Variants in ANTXR2 observed in about 807,000 individuals in gnomAD.
The protein encoded by ANTXR2 is ANTXR cell adhesion molecule 2, also known as anthrax toxin receptor 2.
A neutral mutation model predicts 73.7 loss-of-function variants in ANTXR2; 44 were observed. That is an observed-to-expected ratio of 0.60 (90% CI 0.47 to 0.77). The LOEUF is 0.77. Among genes scored for constraint, ANTXR2 ranks in the 30% least tolerant of loss-of-function variants. The pLI, the probability that ANTXR2 is intolerant of heterozygous loss-of-function variation, is 0.00. For missense variants in ANTXR2, 604 were observed against 592.5 expected (o/e 1.02, Z -0.20); for synonymous variants, 217 against 205.9 (o/e 1.05, Z -0.46).
intron 7 of ANTXR2, among the ~76,000 whole-genome samples, chr4:80,042,292 T>A (rs1408524786): frequency 6.6e-6 from 1 of 152,096 alleles, no homozygotes; most frequent in African/African-American, 2.4e-5. Context: ...AAATTTGTTA[T>A]ATGATCTTAG....
At position 79,932,184 on chromosome 4, in the gene ANTXR2, G is replaced by A. The variant is rs139065747; in HGVS notation, c.1429-24717C>T. ...TAAATGAATATTAAAGAAAATAAAC[G>A]GATGAATAAAGGCACTCATACATAA... On this transcript the variant is annotated intron_variant, in intron 16 of 16. Transcript: ENST00000403729. Among the ~76,000 whole-genome samples the A allele has an allele frequency of 2.3e-4, 35 of 152,040 alleles. 1 individual carries two copies. Among genetic ancestry groups the A allele is most frequent in the African/African-American group, 7.0e-4 (29 of 41,478 alleles).
intron 4 of ANTXR2, 111 bp from the exon 5 acceptor site, chr4:80,055,578 C>A: frequency 1.2e-6 from 1 of 863,702 alleles, no homozygotes; most frequent in South Asian, 1.6e-5. Context: ...TACTGGCTAG[C>A]TTTTAAAACA....
chr4:79,955,711 AC>A (rs1728862493), intron 16 of ANTXR2, among the ~76,000 whole-genome samples: 1 of 152,196 alleles, frequency 6.6e-6, no homozygotes, highest in Non-Finnish European at 1.5e-5. Context: ...ATTTTTCTAT[AC>A]ACAAATGAGA....
At position 80,072,599 on chromosome 4, in the gene ANTXR2, T is replaced by A. The variant is rs1280994242; in HGVS notation, c.-39A>T. The A allele has an allele frequency of 1.2e-5, 17 of 1,456,152 alleles. No individual in the cohort carries two copies. The East Asian group carries it at 4.6e-4, about 40-fold the overall frequency. 90.2% of individuals were successfully genotyped at this position (1,456,152 alleles called of 1,614,324 possible). ...GCCTGAGACTCCCTCCCGCTCGCAG[T>A]CCCCTAAGCTCAGGAGGGTCGCAAA... On this transcript the variant is annotated 5_prime_UTR_variant, in exon 1 of 17. Transcript: ENST00000403729.
Position 79,905,209 on chromosome 4 carries a change from G to C in ANTXR2, c.*2220C>G, listed in dbSNP as rs1726856923. 6.6e-6 allele frequency: 1 copy of C among 152,134 alleles called. No individual in the cohort carries two copies. Among genetic ancestry groups the C allele is most frequent in the Non-Finnish European group, 1.5e-5 (1 of 68,018 alleles). 9.4% of individuals were successfully genotyped at this position (152,134 alleles called of 1,614,324 possible). Reference sequence around the variant, plus strand: ...CTACATAATTCTAGAGAAATTTGAAGTAGTTACCAAAGAAACATAGCCTTA... The same window carrying C: ...CTACATAATTCTAGAGAAATTTGAACTAGTTACCAAAGAAACATAGCCTTA... On this transcript the variant is annotated 3_prime_UTR_variant, in exon 17 of 17. Coordinates refer to ENST00000403729, the MANE Select transcript of ANTXR2 (RefSeq NM_058172.6).
At chr4:79,933,702 T>A (rs975145109) in intron 16 of ANTXR2, among the ~76,000 whole-genome samples, 2 of 53,680 alleles carry the variant, frequency 3.7e-5, no homozygotes, top group African/African-American at 7.2e-5. Context: ...CCCTCCACCC[T>A]CCCCCCACCC....
chr4:80,056,953 A>C (rs1354302975), intron 3 of ANTXR2, among the ~76,000 whole-genome samples: 1 of 151,960 alleles, frequency 6.6e-6, no homozygotes, highest in Non-Finnish European at 1.5e-5. Flanking sequence ...ATCCAAATTA[A>C]ATTCAAAACT....
intron 16 of ANTXR2, among the ~76,000 whole-genome samples, chr4:79,930,177 T>C (rs2109959543): frequency 6.6e-6 from 1 of 152,182 alleles, no homozygotes; most frequent in Middle Eastern, 3.4e-3. Flanking sequence ...TAATAAAATA[T>C]TATCAAATGA....
At position 80,037,738 on chromosome 4, in the gene ANTXR2, T is replaced by C. The variant is rs967556535; in HGVS notation, c.637-1706A>G. Among the ~76,000 whole-genome samples, 29 of 152,114 alleles carry C rather than the reference T, an allele frequency of 1.9e-4. 1 individual carries two copies. Among genetic ancestry groups the C allele is most frequent in the Non-Finnish European group, 2.9e-5 (2 of 68,008 alleles). On this transcript the variant is annotated intron_variant, in intron 7 of 16. Coordinates refer to ENST00000403729, the MANE Select transcript of ANTXR2 (RefSeq NM_058172.6). ...AACATCTTTAAAAATTTGGACATAA[T>C]TCAGATAACAAGACTCTGAAGGAAA...
At chr4:79,917,455 A>G (rs1727399834) in intron 16 of ANTXR2, among the ~76,000 whole-genome samples, 4 of 152,166 alleles carry the variant, frequency 2.6e-5, no homozygotes, top group African/African-American at 9.7e-5. Flanking sequence ...TGGCCAGTCC[A>G]AGTCTGCAGG....
chr4:79,915,862 CTATATA>C (rs1553925226), intron 16 of ANTXR2, among the ~76,000 whole-genome samples: 2 of 123,878 alleles, frequency 1.6e-5, no homozygotes, highest in African/African-American at 6.1e-5. Context: ...CTCTCTCTCT[CTATATA>C]TATATATATA....
rs999690583 is a variant in ANTXR2, at chr4:79,905,836, T to C, written c.*1593A>G. The C allele has an allele frequency of 1.3e-5, 2 of 152,614 alleles. No homozygotes were observed. Among genetic ancestry groups the C allele is most frequent in the African/African-American group, 4.8e-5 (2 of 41,436 alleles). The allele number at this position is 152,614 out of a possible 1,614,324, so 9.5% of individuals were successfully genotyped here. On this transcript the variant is annotated 3_prime_UTR_variant, in exon 17 of 17. Coordinates refer to ENST00000403729, the MANE Select transcript of ANTXR2 (RefSeq NM_058172.6). ...GATGCTCCAATCGCTCTTTCCATCT[T>C]GTGCACTCACATGCCCGCCAAACAT...
intron 12 of ANTXR2, among the ~76,000 whole-genome samples, chr4:79,993,015 T>C (rs1191428176): frequency 1.3e-5 from 2 of 152,110 alleles, no homozygotes; most frequent in East Asian, 3.9e-4. Context: ...CACAGATGCA[T>C]TGTTCTCTCC....
intron 16 of ANTXR2, among the ~76,000 whole-genome samples, chr4:79,913,538 A>G (rs1410115712): frequency 6.6e-6 from 1 of 152,134 alleles, no homozygotes; most frequent in Non-Finnish European, 1.5e-5. Context: ...TTTTCATACC[A>G]CATCAAACTT....
At chr4:80,013,808 A>G (rs1425127616) in intron 11 of ANTXR2, among the ~76,000 whole-genome samples, 1 of 150,370 alleles carries the variant, frequency 6.7e-6, no homozygotes, top group African/African-American at 2.4e-5. Context: ...AGGCAACAGG[A>G]ATTTGAGGTT....
At position 79,991,970 on chromosome 4, in the gene ANTXR2, G is replaced by A. The variant is rs181911894; in HGVS notation, c.1042-7107C>T. Among the ~76,000 whole-genome samples, 68 of 151,980 alleles carry A rather than the reference G, an allele frequency of 4.5e-4. 1 individual carries two copies. The highest frequency in any genetic ancestry group is 1.0e-4 in the Non-Finnish European group (7 of 67,940). Reference sequence around the variant, plus strand: ...CAGGGCCTACATGAAGTGAGAACCCGGTAGAAAGGTGAGGGTTGAAAAACT... The same window carrying A: ...CAGGGCCTACATGAAGTGAGAACCCAGTAGAAAGGTGAGGGTTGAAAAACT... On this transcript the variant is annotated intron_variant, in intron 12 of 16. Coordinates refer to ENST00000403729, the MANE Select transcript of ANTXR2 (RefSeq NM_058172.6).
At chr4:79,909,345 T>C (rs1288192125) in intron 16 of ANTXR2, among the ~76,000 whole-genome samples, 1 of 152,174 alleles carries the variant, frequency 6.6e-6, no homozygotes, top group African/African-American at 2.4e-5. Flanking sequence ...TTCCGTTCTA[T>C]ATACCATATT....
chr4:79,998,079 G>A (rs566900171), intron 12 of ANTXR2, among the ~76,000 whole-genome samples: 4 of 151,898 alleles, frequency 2.6e-5, no homozygotes, highest in Non-Finnish European at 5.9e-5. Flanking sequence ...ATAAAAACAA[G>A]TGCAATGTAC....
chr4:80,003,787 C>T (rs1023399420), intron 12 of ANTXR2, among the ~76,000 whole-genome samples: 1 of 151,992 alleles, frequency 6.6e-6, no homozygotes, highest in African/African-American at 2.4e-5. Flanking sequence ...GAAGGAGCAA[C>T]TGAATCACTC....
Sources: allele counts gnomAD v4.1 joint callset (sites outside exome capture counted in the v4.1 genomes callset), GRCh38; gene constraint gnomAD v4.1.1; transcripts MANE v1.5; gene names NCBI Gene and HGNC (gene_info 2026-07-23, HGNC 2026-07-21).